The following ZBTB7A variants were observed in gnomAD, a reference collection of about 807,000 sequenced individuals.
ZBTB7A encodes zinc finger and BTB domain-containing protein 7A.
Under a neutral mutation model 26.7 loss-of-function variants are expected in ZBTB7A, and 7 were observed. That is an observed-to-expected ratio of 0.26 (90% CI 0.15 to 0.49). The LOEUF (loss-of-function observed/expected upper bound fraction) is 0.49. Ranked by LOEUF, ZBTB7A falls within the 20% of genes least tolerant of loss-of-function variation. The pLI is 0.98. For missense variants in ZBTB7A, 617 were observed against 919.5 expected (o/e 0.67, Z 4.25); for synonymous variants, 452 against 441.0 (o/e 1.02, Z -0.31).
rs781534948 is a variant in ZBTB7A at position 4,047,932 on chromosome 19, G to A, written c.1575C>T (p.Ser525=). ...TATPGAPAQP[S]SPDARRNGQE... ...GGCCGTTGCGCCGGGCGTCGGGGGA[G>A]CTGGGCTGGGCGGGGGCGCCGGGGG... The change falls in exon 3 of 3, where the codon AGC becomes AGT. Residue 525 remains serine, a synonymous_variant. Coordinates refer to ENST00000322357, the MANE Select transcript of ZBTB7A (RefSeq NM_015898.4). The A allele has an allele frequency of 3.4e-6, 5 of 1,455,164 alleles. No homozygotes were observed. The highest frequency in any genetic ancestry group is 2.5e-5 in the Admixed American group (1 of 40,704). 90.1% of individuals were successfully genotyped at this position (1,455,164 alleles called of 1,614,324 possible).
chr19:4,056,477 G>A (rs1388139060), intron 1 of ZBTB7A, among the ~76,000 whole-genome samples: 1 of 152,202 alleles, frequency 6.6e-6, no homozygotes, highest in East Asian at 1.9e-4. Context: ...TGTAATTCTA[G>A]CATTTTGGGG....
At chr19:4,063,594 C>T (rs2040661457) in intron 1 of ZBTB7A, among the ~76,000 whole-genome samples, 1 of 152,184 alleles carries the variant, frequency 6.6e-6, no homozygotes, top group African/African-American at 2.4e-5. Flanking sequence ...ATGTCATCTT[C>T]GGACACAGGG....
intron 2 of ZBTB7A, among the ~76,000 whole-genome samples, chr19:4,051,821 G>A (rs956763277): frequency 6.6e-6 from 1 of 152,262 alleles, no homozygotes; most frequent in Non-Finnish European, 1.5e-5. Context: ...GAAGGGACTT[G>A]CCTGGAGCTG....
chr19:4,063,891 G>A (rs543257616), intron 1 of ZBTB7A, among the ~76,000 whole-genome samples: 2 of 152,280 alleles, frequency 1.3e-5, no homozygotes, highest in African/African-American at 2.4e-5. Flanking sequence ...GAGTTTCCAG[G>A]CTCACATTTG....
chr19:4,051,129 G>A (rs1414268352), intron 2 of ZBTB7A, among the ~76,000 whole-genome samples: 1 of 141,532 alleles, frequency 7.1e-6, no homozygotes, highest in African/African-American at 2.8e-5. Flanking sequence ...AAAAAAGTAG[G>A]TGTCTTGCCT....
chr19:4,059,432 T>C (rs974429788), intron 1 of ZBTB7A, among the ~76,000 whole-genome samples: 3 of 152,076 alleles, frequency 2.0e-5, no homozygotes, highest in Non-Finnish European at 2.9e-5. Flanking sequence ...CTTGGGCCCC[T>C]GTTCCCCCCT....
At chr19:4,062,027 T>A in intron 1 of ZBTB7A, 1 of 152,176 alleles carries the variant, frequency 6.6e-6, no homozygotes, top group Non-Finnish European at 1.5e-5. Context: ...TCTCTCTCCC[T>A]CCCCTGAGGG....
At chr19:4,065,116 C>A (rs1328173553) in intron 1 of ZBTB7A, among the ~76,000 whole-genome samples, 1 of 151,738 alleles carries the variant, frequency 6.6e-6, no homozygotes, top group Non-Finnish European at 1.5e-5. Context: ...TCCCCCCTCC[C>A]CTGCCCGGGC....
Position 4,053,826 on chromosome 19 carries a change from TGTAC to T in ZBTB7A, c.1262+141_1262+144del, listed in dbSNP as rs929218296. 6.6e-6 allele frequency: 6 copies of T among 902,598 alleles called. No homozygotes were observed. The Admixed American group carries it at 8.6e-5, about 13-fold the overall frequency. 55.9% of individuals were successfully genotyped at this position (902,598 alleles called of 1,614,324 possible). On this transcript the variant is annotated intron_variant, in intron 2 of 2. Transcript: ENST00000322357. The stretch of plus-strand genomic sequence containing the variant: ...TAGGTGACGTGCATGTGTCTGTGCG[TGTAC>T]GTGTCTGTGTGCACGTGCGTGTATG...
chr19:4,057,868 G>A (rs537692912), intron 1 of ZBTB7A, among the ~76,000 whole-genome samples: 14 of 151,406 alleles, frequency 9.2e-5, no homozygotes, highest in Admixed American at 2.6e-4. Flanking sequence ...CACCCACTCC[G>A]TCGTGAGCTG....
chr19:4,064,122 G>T (rs976211703), intron 1 of ZBTB7A, among the ~76,000 whole-genome samples: 1 of 152,260 alleles, frequency 6.6e-6, no homozygotes, highest in African/African-American at 2.4e-5. Flanking sequence ...CAGAGCAAAG[G>T]ACCCATCCAC....
intron 1 of ZBTB7A, among the ~76,000 whole-genome samples, chr19:4,065,039 G>A (rs1325765132): frequency 4.6e-5 from 7 of 151,722 alleles, no homozygotes; most frequent in Admixed American, 2.6e-4. Context: ...AGGCTCCCAG[G>A]CCGGGGGGGC....
At chr19:4,060,820 G>A (rs529638499) in intron 1 of ZBTB7A, among the ~76,000 whole-genome samples, 3 of 152,332 alleles carry the variant, frequency 2.0e-5, no homozygotes, top group South Asian at 4.1e-4. Flanking sequence ...CCACCTTCCC[G>A]AAGGTCACTT....
rs1481310809 is a variant in ZBTB7A, at chr19:4,048,523, T to C, written c.1263-279A>G. 1.3e-5 allele frequency among the ~76,000 whole-genome samples: 2 copies of C among 152,066 alleles called. No individual in the cohort carries two copies. Among genetic ancestry groups the C allele is most frequent in the African/African-American group, 4.8e-5 (2 of 41,414 alleles). On this transcript the variant is annotated intron_variant, in intron 2 of 2. Transcript: ENST00000322357. The surrounding 1 kb of genome is among the most constrained non-coding windows in gnomAD (Gnocchi z 6.7). ...CTCTGAACCCCGTTTCCTTTCCTTT[T>C]TTAACTTTTTAAGAGACAAAGTCTA...
rs771545015 is a variant in ZBTB7A at position 4,048,253 on chromosome 19, G to A, written c.1263-9C>T. The stretch of plus-strand genomic sequence containing the variant: ...CCTTCAGCTTGTCCTGCCTGTGGAC[G>A]GGGCACGGGGCGGGCACGGTCAGTG... On this transcript the variant is annotated splice_polypyrimidine_tract_variant and intron_variant, in intron 2 of 2. Transcript: ENST00000322357. This position sits in a 1 kb window ranked among gnomAD's most constrained non-coding sequence, Gnocchi z 6.7. The A allele has an allele frequency of 6.3e-7, 1 of 1,576,772 alleles. No individual in the cohort carries two copies. The highest frequency in any genetic ancestry group is 8.6e-7 in the Non-Finnish European group (1 of 1,168,460).
At chr19:4,057,767 G>C (rs998192513) in intron 1 of ZBTB7A, among the ~76,000 whole-genome samples, 1 of 144,686 alleles carries the variant, frequency 6.9e-6, no homozygotes, top group African/African-American at 2.7e-5. Context: ...TGGTGACAGA[G>C]CGAGACTCGT....
Position 4,047,712 on chromosome 19 carries a change from T to A in ZBTB7A, c.*40A>T. 1 of 1,571,772 alleles carries A rather than the reference T, an allele frequency of 6.4e-7. No individual in the cohort carries two copies. Among genetic ancestry groups the A allele is most frequent in the South Asian group, 1.2e-5 (1 of 85,034 alleles). ...GGGTGATTTTTTTTCTCTCTCTCTG[T>A]CTCTCTCTTTCTCGGGTTTCTGTTT... On this transcript the variant is annotated 3_prime_UTR_variant, in exon 3 of 3. Transcript: ENST00000322357.
intron 1 of ZBTB7A, among the ~76,000 whole-genome samples, chr19:4,056,942 G>A (rs1599258441): frequency 6.7e-6 from 1 of 149,896 alleles, no homozygotes; most frequent in Non-Finnish European, 1.5e-5. Context: ...CAGAAGAATC[G>A]CTTGAACCCG....
chr19:4,059,735 C>T (rs903181990), intron 1 of ZBTB7A, among the ~76,000 whole-genome samples: 1 of 152,062 alleles, frequency 6.6e-6, no homozygotes, highest in Admixed American at 6.5e-5. Context: ...GAACACAAGC[C>T]ACCTGCCGGC....
Sources: gnomAD v4.1 joint callset for allele counts (sites outside exome capture counted in the v4.1 genomes callset) on GRCh38, gnomAD v4.1.1 for gene constraint, Gnocchi (gnomAD v3.1) non-coding constraint, MANE v1.5 for transcripts, NCBI Gene and HGNC (gene_info 2026-07-23, HGNC 2026-07-21) for gene names.